NVL: variants seen among roughly 807,000 people sequenced by gnomAD.
The protein encoded by NVL is nuclear VCP like.
In NVL, 84 loss-of-function variants were observed where a neutral mutation model predicts 110.2. The observed-to-expected ratio is 0.76, with a 90% confidence interval of 0.64 to 0.91. The LOEUF is 0.91. Ranked by LOEUF, NVL falls within the 40% of genes least tolerant of loss-of-function variation. The probability of loss-of-function intolerance (pLI) is 0.00; values close to 1 mark genes in which losing one functional copy is unlikely to be tolerated. For synonymous variants in NVL, 354 were observed against 361.1 expected (o/e 0.98, Z 0.22); for missense variants, 882 against 1,035.9 (o/e 0.85, Z 2.04).
At chr1:224,277,630 T>C (rs1321962065) in intron 16 of NVL, among the ~76,000 whole-genome samples, 1 of 152,236 alleles carries the variant, frequency 6.6e-6, no homozygotes, top group Non-Finnish European at 1.5e-5. Flanking sequence ...AAAGCCCATC[T>C]TATCCTTTAT....
chr1:224,320,531 C>T (rs772737393), intron 2 of NVL, among the ~76,000 whole-genome samples: 20 of 151,942 alleles, frequency 1.3e-4, no homozygotes, highest in Middle Eastern at 3.2e-3. Flanking sequence ...CCTGTAATCC[C>T]AGCTACTTGG....
intron 18 of NVL, among the ~76,000 whole-genome samples, chr1:224,260,541 C>A (rs926606411): frequency 7.9e-5 from 12 of 152,170 alleles, no homozygotes; most frequent in African/African-American, 2.9e-4. Context: ...CAGGCATGAG[C>A]CAACACACCC....
chr1:224,233,197 G>C lies in NVL; in HGVS notation c.2455+4C>G. 6.2e-7 allele frequency: 1 copy of C among 1,608,182 alleles called. No homozygotes were observed. Among genetic ancestry groups the C allele is most frequent in the South Asian group, 1.1e-5 (1 of 89,982 alleles). On this transcript the variant is annotated splice_donor_region_variant and intron_variant, in intron 21 of 22. Transcript: ENST00000281701. Reference sequence around the variant, plus strand: ...GAATTGAGAGATTCTGGAGAGAATTGTACCTTTTTCATTTCCACTCTTCTG... The same window carrying C: ...GAATTGAGAGATTCTGGAGAGAATTCTACCTTTTTCATTTCCACTCTTCTG...
At chr1:224,263,574 A>G (rs1408307298) in intron 18 of NVL, among the ~76,000 whole-genome samples, 3 of 152,214 alleles carry the variant, frequency 2.0e-5, no homozygotes, top group African/African-American at 7.2e-5. Context: ...ATCTAACAAT[A>G]AGAATAGCCC....
At chr1:224,295,358 A>G (rs1667776042) in intron 11 of NVL, among the ~76,000 whole-genome samples, 1 of 151,864 alleles carries the variant, frequency 6.6e-6, no homozygotes, top group African/African-American at 2.4e-5. Context: ...ACGCCCGGCT[A>G]ATTTTTTTAT....
At chr1:224,318,624 C>G (rs1670321908) in intron 2 of NVL, among the ~76,000 whole-genome samples, 1 of 151,692 alleles carries the variant, frequency 6.6e-6, no homozygotes. Context: ...AATTAAAAAA[C>G]TAAGAAGAAG....
chr1:224,237,694 C>T (rs766981295), intron 19 of NVL, among the ~76,000 whole-genome samples: 31 of 151,200 alleles, frequency 2.1e-4, no homozygotes, highest in Non-Finnish European at 2.9e-4. Context: ...CTCAGCCTCC[C>T]GAGGAGCTGG....
In NVL at chr1:224,270,412, G is replaced by GC. The variant is rs1344351285; in HGVS notation, c.2083-2280dup. 3.9e-5 allele frequency among the ~76,000 whole-genome samples: 6 copies of GC among 152,062 alleles called. No individual in the cohort carries two copies. The East Asian group carries it at 1.2e-3, about 29-fold the overall frequency. ...TCTCTACTAAAAATACAAAAAATTA[G>GC]CTGGGCATGGTGGTGGGAACCTGTA... On this transcript the variant is annotated intron_variant, in intron 17 of 22. Transcript: ENST00000281701.
At chr1:224,278,504 T>A (rs182478445) in intron 16 of NVL, among the ~76,000 whole-genome samples, 1 of 152,254 alleles carries the variant, frequency 6.6e-6, no homozygotes, top group Non-Finnish European at 1.5e-5. Flanking sequence ...GTGCAGGGAT[T>A]ATAGGCGTGA....
At chr1:224,251,791 C>A (rs923506430) in intron 18 of NVL, among the ~76,000 whole-genome samples, 1 of 152,220 alleles carries the variant, frequency 6.6e-6, no homozygotes, top group Admixed American at 6.5e-5. Flanking sequence ...AAATACCAGG[C>A]AGGTTTCTCC....
chr1:224,299,535 A>G (rs1170440789), intron 10 of NVL, among the ~76,000 whole-genome samples: 2 of 152,318 alleles, frequency 1.3e-5, no homozygotes, highest in African/African-American at 4.8e-5. Flanking sequence ...GTACTGGTTT[A>G]GTGAGAGGTT....
rs185046509 is a variant in NVL at position 224,273,305 on chromosome 1, C to T, written c.2082+2034G>A. Among the ~76,000 whole-genome samples the T allele has an allele frequency of 6.8e-3, 1,026 of 150,634 alleles. 13 individuals carry two copies. Among genetic ancestry groups the T allele is most frequent in the African/African-American group, 0.023 (958 of 40,998 alleles). On this transcript the variant is annotated intron_variant, in intron 17 of 22. Coordinates refer to ENST00000281701, the MANE Select transcript of NVL (RefSeq NM_002533.4). ...GCAGGCGCCTGTAATCTCAGCTACT[C>T]GGGAGGCTGAGTCAGGAAAATCGCT...
At chr1:224,256,934 T>A in intron 18 of NVL, 1 of 449,546 alleles carries the variant, frequency 2.2e-6, no homozygotes, top group Non-Finnish European at 4.5e-6. Context: ...TCCTTCTACA[T>A]CCACAGCTAT....
At chr1:224,292,145 T>C (rs184397409) in intron 12 of NVL, among the ~76,000 whole-genome samples, 1 of 152,320 alleles carries the variant, frequency 6.6e-6, no homozygotes, top group African/African-American at 2.4e-5. Flanking sequence ...TTTTCCATAA[T>C]TTGATGCTTT....
At chr1:224,281,952 C>CAAAA (rs528565412) in intron 15 of NVL, among the ~76,000 whole-genome samples, 6 of 59,244 alleles carry the variant, frequency 1.0e-4, no homozygotes, top group African/African-American at 3.0e-4. Context: ...GACTCTGTCT[C>CAAAA]AAAAAAAAAA....
chr1:224,315,187 C>A lies in NVL; in HGVS notation c.284+2507G>T, dbSNP rs1277218771. Among the ~76,000 whole-genome samples the A allele has an allele frequency of 2.6e-5, 4 of 151,998 alleles. No homozygotes were observed. In the East Asian group the frequency reaches 7.7e-4, roughly 29 times the overall value. On this transcript the variant is annotated intron_variant, in intron 4 of 22. Coordinates refer to ENST00000281701, the MANE Select transcript of NVL (RefSeq NM_002533.4). ...CCTCCTACCTCAACTTCCAAAGAAGCTGGGATAGAACCATGCACCACTATG... is the reference window on the plus strand; with the variant it reads ...CCTCCTACCTCAACTTCCAAAGAAGATGGGATAGAACCATGCACCACTATG...
At chr1:224,301,949 T>C (rs1668462503) in intron 9 of NVL, among the ~76,000 whole-genome samples, 1 of 152,230 alleles carries the variant, frequency 6.6e-6, no homozygotes, top group Non-Finnish European at 1.5e-5. Context: ...TTTGCACTTC[T>C]TCTTGTCTTC....
intron 17 of NVL, among the ~76,000 whole-genome samples, chr1:224,269,199 G>A (rs1571893639): frequency 2.1e-5 from 3 of 145,394 alleles, no homozygotes; most frequent in South Asian, 2.2e-4. Flanking sequence ...GCAGTCCTCC[G>A]ACCTCAGCCT....
rs549611940 is a variant in NVL, at chr1:224,272,044, T to C, written c.2082+3295A>G. 2.0e-5 allele frequency among the ~76,000 whole-genome samples: 3 copies of C among 148,050 alleles called. No individual in the cohort carries two copies. In the South Asian group the frequency reaches 6.4e-4, roughly 32 times the overall value. On this transcript the variant is annotated intron_variant, in intron 17 of 22. Transcript: ENST00000281701. ...AAACAGAATGCATTCAAATTTAAAA[T>C]GTTTTTAGAGGCCAGGCATGGTGGC...
Sources: gnomAD v4.1 joint callset for allele counts (sites outside exome capture counted in the v4.1 genomes callset) on GRCh38, gnomAD v4.1.1 for gene constraint, MANE v1.5 for transcripts, NCBI Gene and HGNC (gene_info 2026-07-23, HGNC 2026-07-21) for gene names.